PER3: variants seen among roughly 807,000 people sequenced by gnomAD.
The protein encoded by PER3 is period circadian regulator 3.
PER3 carries 107 observed loss-of-function variants against 127.2 expected under a neutral mutation model. That is an observed-to-expected ratio of 0.84 (90% CI 0.72 to 0.99). The LOEUF is 0.99. PER3 is among the 50% of genes least tolerant of loss of function. The pLI is 0.00. For synonymous variants in PER3, 618 were observed against 585.8 expected (o/e 1.05, Z -0.79); for missense variants, 1,560 against 1,525.8 (o/e 1.02, Z -0.37).
intron 8 of PER3, 92 bp from the exon 9 acceptor site, chr1:7,802,955 C>G (rs1000030340): frequency 1.3e-6 from 1 of 790,612 alleles, no homozygotes; most frequent in African/African-American, 1.7e-5. Flanking sequence ...ATAAAATTGT[C>G]TCACATTTAG....
chr1:7,815,971 C>G (rs917675126), intron 13 of PER3, among the ~76,000 whole-genome samples: 2 of 107,446 alleles, frequency 1.9e-5, no homozygotes. Context: ...CCAGCCTGGG[C>G]GACAGAGCGG....
At chr1:7,804,003 C>A in intron 10 of PER3, 155 bp downstream of exon 10, 3 of 575,596 alleles carry the variant, frequency 5.2e-6, no homozygotes, top group Admixed American at 3.3e-5. Flanking sequence ...CAGTGTGTAC[C>A]GTGAGCCTTA....
chr1:7,817,254 A>G (rs2097255693), intron 13 of PER3, among the ~76,000 whole-genome samples: 1 of 152,148 alleles, frequency 6.6e-6, no homozygotes, highest in African/African-American at 2.4e-5. Context: ...CTTTCCGTGC[A>G]TTTGCCAAAA....
Position 7,820,534 on chromosome 1 carries a change from A to C in PER3, c.1851A>C (p.Gly617=). The stretch of plus-strand genomic sequence containing the variant: ...CAAATGGACGGTCCATAGACACAGG[A>C]GGAGGAGCTCCACAGATCCTGTCCA... The part of the protein sequence containing the change: ...MPTNGRSIDT[G]GGAPQILSTA... Residue 617 remains glycine, a synonymous_variant, in exon 16 of 22, where the codon GGA becomes GGC. Coordinates refer to ENST00000377532, the MANE Select transcript of PER3 (RefSeq NM_001377275.1). The C allele has an allele frequency of 6.2e-7, 1 of 1,614,160 alleles. No individual in the cohort carries two copies. The highest frequency in any genetic ancestry group is 8.5e-7 in the Non-Finnish European group (1 of 1,179,996).
chr1:7,804,577 T>C (rs1279005004), intron 10 of PER3, among the ~76,000 whole-genome samples: 1 of 151,968 alleles, frequency 6.6e-6, no homozygotes, highest in Non-Finnish European at 1.5e-5. Context: ...TTTCTTGTAT[T>C]TTTTGTAGAG....
chr1:7,813,981 G>A (rs2097233996), intron 13 of PER3, among the ~76,000 whole-genome samples: 1 of 152,204 alleles, frequency 6.6e-6, no homozygotes, highest in Non-Finnish European at 1.5e-5. Context: ...GGTAATCACA[G>A]CGTAGAGATG....
At chr1:7,823,500 G>C (rs546019499) in intron 16 of PER3, among the ~76,000 whole-genome samples, 1 of 152,124 alleles carries the variant, frequency 6.6e-6, no homozygotes, top group Admixed American at 6.5e-5. Flanking sequence ...AAATTAGCTG[G>C]GCATGGTGAT....
Position 7,829,954 on chromosome 1 carries a change from TCGCC to T in PER3, c.3008_3011del (p.Ser1003PhefsTer3). 5.7e-6 allele frequency: 7 copies of T among 1,227,294 alleles called. No homozygotes were observed. The highest frequency in any genetic ancestry group is 2.5e-5 in the Admixed American group (1 of 40,328). The allele number at this position is 1,227,294 out of a possible 1,614,324, so 76.0% of individuals were successfully genotyped here. On this transcript the variant is annotated frameshift_variant, in exon 19 of 22. Coordinates refer to ENST00000377532, the MANE Select transcript of PER3 (RefSeq NM_001377275.1). LOFTEE classifies it high-confidence loss of function. ...TACTGCCAGCGCTCTGTCCACAGGA[TCGCC>T]TCCCATGAAGAATCCATCCCATCCT...
chr1:7,807,900 TAAG>T (rs1196560426), intron 10 of PER3, among the ~76,000 whole-genome samples: 2 of 152,084 alleles, frequency 1.3e-5, no homozygotes, highest in African/African-American at 2.4e-5. Flanking sequence ...CTTGGAATAA[TAAG>T]GATTTTCAAA....
At chr1:7,834,626 T>C (rs970965355) in intron 19 of PER3, among the ~76,000 whole-genome samples, 2 of 152,074 alleles carry the variant, frequency 1.3e-5, no homozygotes, top group Admixed American at 6.5e-5. Flanking sequence ...CAGCTAATTT[T>C]TTATTTTTAT....
intron 18 of PER3, among the ~76,000 whole-genome samples, chr1:7,829,447 GGCATATCCCAATTGCTGGCAT>G (rs1281998016): frequency 6.6e-6 from 1 of 152,022 alleles, no homozygotes; most frequent in East Asian, 1.9e-4. Flanking sequence ...ACTTCTCTTT[GGCATATCCCAATTGCTGGCAT>G]CACTCCTCTT....
intron 3 of PER3, among the ~76,000 whole-genome samples, chr1:7,786,467 A>C (rs836755): frequency 0.41 from 62,652 of 151,160 alleles, 14,039 homozygotes; most frequent in African/African-American, 0.59. Context: ...TTGTGTATGC[A>C]TCTGAAATTT....
intron 13 of PER3, among the ~76,000 whole-genome samples, chr1:7,815,845 T>C (rs1489543472): frequency 1.3e-5 from 2 of 149,028 alleles, no homozygotes; most frequent in African/African-American, 4.9e-5. Context: ...AAAAAAAAAT[T>C]AGCCAGGCAT....
chr1:7,794,477 G>A (rs2097136138), intron 6 of PER3, among the ~76,000 whole-genome samples: 1 of 152,068 alleles, frequency 6.6e-6, no homozygotes. Flanking sequence ...TGGCAACAGA[G>A]CGAGACTCTG....
At chr1:7,801,554 T>G (rs1169614577) in intron 8 of PER3, among the ~76,000 whole-genome samples, 1 of 152,212 alleles carries the variant, frequency 6.6e-6, no homozygotes, top group Non-Finnish European at 1.5e-5. Context: ...TATTCTGGTG[T>G]TATTTACACT....
At chr1:7,815,139 A>G (rs970172039) in intron 13 of PER3, among the ~76,000 whole-genome samples, 1 of 152,190 alleles carries the variant, frequency 6.6e-6, no homozygotes, top group African/African-American at 2.4e-5. Flanking sequence ...ACACTTAAAT[A>G]GCAAATGGAA....
intron 4 of PER3, 183 bp from the exon 5 acceptor site, chr1:7,787,862 C>T: frequency 3.3e-6 from 2 of 604,142 alleles, no homozygotes; most frequent in Non-Finnish European, 5.9e-6. Flanking sequence ...AAGTGCAGGT[C>T]TTAGGAGAAG....
intron 13 of PER3, among the ~76,000 whole-genome samples, chr1:7,814,278 AAAAC>A (rs948308861): frequency 3.3e-5 from 5 of 152,228 alleles, no homozygotes; most frequent in African/African-American, 1.2e-4. Flanking sequence ...ATACAGAACA[AAAAC>A]AAAACAAAAC....
Position 7,810,575 on chromosome 1 carries a change from A to G in PER3, c.1509A>G (p.Ser503=). The G allele has an allele frequency of 6.2e-7, 1 of 1,609,734 alleles. No individual in the cohort carries two copies. The highest frequency in any genetic ancestry group is 8.5e-7 in the Non-Finnish European group (1 of 1,178,486). ...CAGAACCGAATGGTGGTGGTGAGTC[A>G]GCGAATGGTGGTGGTGAGTCAGCCG... is the stretch of plus-strand genomic sequence containing the variant. ...TRTEPNGGGE[S]ANGGGECKTF... The change falls in exon 13 of 22, where the codon TCA becomes TCG. Residue 503 remains serine (S), a synonymous_variant. Transcript: ENST00000377532.
Sources: allele counts gnomAD v4.1 joint callset (sites outside exome capture counted in the v4.1 genomes callset), GRCh38; gene constraint gnomAD v4.1.1; transcripts MANE v1.5; gene names NCBI Gene and HGNC (gene_info 2026-07-23, HGNC 2026-07-21).